USP24: variants seen among roughly 807,000 people sequenced by gnomAD.
USP24 encodes ubiquitin carboxyl-terminal hydrolase 24.
USP24 carries 97 observed loss-of-function variants against 361.6 expected under a neutral mutation model. The ratio of observed to expected loss-of-function variants is 0.27; its 90% CI spans 0.23 to 0.32. The LOEUF is 0.32. Among genes scored for constraint, USP24 ranks in the 10% least tolerant of loss-of-function variants. The pLI, the probability that USP24 is intolerant of heterozygous loss-of-function variation, is 1.00. For missense variants in USP24, 2,353 were observed against 3,165.6 expected, an observed-to-expected ratio of 0.74 and a Z score of 6.16; for synonymous variants, 1,098 against 1,124.6, an observed-to-expected ratio of 0.98 and a Z score of 0.47.
intron 1 of USP24, among the ~76,000 whole-genome samples, chr1:55,211,774 T>C (rs530743525): frequency 6.6e-6 from 1 of 152,162 alleles, no homozygotes. Context: ...ACTACAAATA[T>C]AAAAAAACTT....
At chr1:55,188,834 C>T (rs1455039744) in intron 1 of USP24, among the ~76,000 whole-genome samples, 2 of 151,654 alleles carry the variant, frequency 1.3e-5, no homozygotes, top group Non-Finnish European at 2.9e-5. Flanking sequence ...GTGGTGGGCA[C>T]CTGTAATCCC....
rs1644952098 is a variant in USP24 at position 55,214,949 on chromosome 1, G to A, written c.165C>T (p.Pro55=). ...GGCTGGGGCCACCGCCGCTGTCCAT[G>A]GGCTCGTAGCCGCCGTAGTCGAGGC... ...RPGLDYGGYE[P]MDSGGGPSPG... The change falls in exon 1 of 68, where the codon CCC becomes CCT. Residue 55 remains proline, a synonymous_variant. Transcript: ENST00000294383. 2.8e-6 allele frequency: 4 copies of A among 1,416,508 alleles called. No individual in the cohort carries two copies. Among genetic ancestry groups the A allele is most frequent in the Non-Finnish European group, 1.9e-6 (2 of 1,078,904 alleles). The allele number at this position is 1,416,508 out of a possible 1,614,324, so 87.7% of individuals were successfully genotyped here. A position where few individuals can be genotyped will look rare whatever the true frequency, so the allele number is the denominator to read the frequency against.
At chr1:55,151,851 T>G in intron 16 of USP24, 5 of 958,312 alleles carry the variant, frequency 5.2e-6, no homozygotes, top group Non-Finnish European at 6.2e-6. Context: ...GGGTAATCAG[T>G]TGGGGGAATA....
rs1644826693 is a variant in USP24 at position 55,066,448 on chromosome 1, G to A, written c.*2597C>T. The A allele has an allele frequency of 6.6e-6, 1 of 152,180 alleles. No individual in the cohort carries two copies. The highest frequency in any genetic ancestry group is 6.5e-5 in the Admixed American group (1 of 15,274). 9.4% of individuals were successfully genotyped at this position (152,180 alleles called of 1,614,324 possible). On this transcript the variant is annotated 3_prime_UTR_variant, in exon 68 of 68. Transcript: ENST00000294383. Reference sequence around the variant, plus strand: ...TTTAGAATTAAGGTTCTTCCCTAGTGTATCTACTTCCTTTTGAAATTTTAT... The same window carrying A: ...TTTAGAATTAAGGTTCTTCCCTAGTATATCTACTTCCTTTTGAAATTTTAT...
At chr1:55,104,276 C>A (rs1223818895) in intron 41 of USP24, among the ~76,000 whole-genome samples, 1 of 152,020 alleles carries the variant, frequency 6.6e-6, no homozygotes, top group African/African-American at 2.4e-5. Flanking sequence ...ATGAATGGAT[C>A]AGCAAGAATG....
chr1:55,123,116 T>C (rs1398218690), intron 36 of USP24, among the ~76,000 whole-genome samples: 2 of 152,166 alleles, frequency 1.3e-5, no homozygotes, highest in Non-Finnish European at 2.9e-5. Context: ...ACTAGAGTCA[T>C]TATCAGGAAT....
intron 39 of USP24, among the ~76,000 whole-genome samples, chr1:55,107,759 T>C (rs1570420591): frequency 7.5e-6 from 1 of 133,818 alleles, no homozygotes. Flanking sequence ...GGAGAATTGC[T>C]TGAACCCAGG....
chr1:55,135,621 T>C (rs1646711590), intron 28 of USP24, among the ~76,000 whole-genome samples: 1 of 152,214 alleles, frequency 6.6e-6, no homozygotes, highest in Non-Finnish European at 1.5e-5. Flanking sequence ...TAAAGACTAC[T>C]CAACTTGCAC....
At position 55,192,647 on chromosome 1, in the gene USP24, T is replaced by C. The variant is rs140621554; in HGVS notation, c.325-14515A>G. Among the ~76,000 whole-genome samples the C allele has an allele frequency of 1.5e-3, 229 of 152,368 alleles. 1 individual carries two copies. The highest frequency in any genetic ancestry group is 5.4e-3 in the African/African-American group (223 of 41,590). Reference sequence around the variant, plus strand: ...ATTTATAATACCTTTCATTAAATATTGAGGTTGTCAGTTTTACTAAATATT... The same window carrying C: ...ATTTATAATACCTTTCATTAAATATCGAGGTTGTCAGTTTTACTAAATATT... On this transcript the variant is annotated intron_variant, in intron 1 of 67. Coordinates refer to ENST00000294383, the MANE Select transcript of USP24 (RefSeq NM_015306.3).
intron 34 of USP24, 90 bp from the exon 35 acceptor site, chr1:55,124,718 C>T (rs894032186): frequency 1.6e-4 from 232 of 1,409,820 alleles, no homozygotes; most frequent in Middle Eastern, 6.3e-4. Context: ...CAGTTTCATA[C>T]GCCTCCTTTC....
intron 28 of USP24, among the ~76,000 whole-genome samples, chr1:55,135,142 T>C (rs1241359183): frequency 6.6e-6 from 1 of 152,142 alleles, no homozygotes; most frequent in Non-Finnish European, 1.5e-5. Flanking sequence ...TCTTGTTATA[T>C]ATGAAATATA....
chr1:55,147,640 G>C lies in USP24; in HGVS notation c.2118+9C>G. On this transcript the variant is annotated intron_variant, in intron 18 of 67. Transcript: ENST00000294383. ...GTAAATCATGAAGCAAAAACACAAG[G>C]CCTGATACCTCCCGGTAAGTGTACC... 1.3e-6 allele frequency: 2 copies of C among 1,595,590 alleles called. No homozygotes were observed. Among genetic ancestry groups the C allele is most frequent in the South Asian group, 1.1e-5 (1 of 87,834 alleles).
intron 60 of USP24, among the ~76,000 whole-genome samples, 198 bp from the exon 61 acceptor site, chr1:55,078,849 C>G (rs180802777): frequency 6.7e-4 from 101 of 150,254 alleles, no homozygotes; most frequent in African/African-American, 2.4e-3. Context: ...CAATTTTGTG[C>G]AAATGTGCAC....
At position 55,098,465 on chromosome 1, in the gene USP24, T is replaced by C. The variant is rs769834562; in HGVS notation, c.5453+11A>G. ...GATCATTTTTCCTGTGTCGGTGATA[T>C]CTTCACTCACCTGTGAGGACAGTCT... On this transcript the variant is annotated intron_variant, in intron 46 of 67. Transcript: ENST00000294383. 1.5e-5 allele frequency: 24 copies of C among 1,601,808 alleles called. No individual in the cohort carries two copies. Among genetic ancestry groups the C allele is most frequent in the Admixed American group, 1.2e-4 (7 of 59,544 alleles).
intron 29 of USP24, 47 bp downstream of exon 29, chr1:55,134,281 T>C (rs982261592): frequency 6.3e-7 from 1 of 1,584,198 alleles, no homozygotes; most frequent in Non-Finnish European, 8.6e-7. Context: ...GGCTCCCTAA[T>C]GTTAGTAACT....
At chr1:55,106,362 G>A in intron 40 of USP24, 99 bp from the exon 41 acceptor site, 1 of 836,190 alleles carries the variant, frequency 1.2e-6, no homozygotes, top group Non-Finnish European at 1.9e-6. Flanking sequence ...GGTACCCAAT[G>A]CCACCCAATA....
At chr1:55,144,242 C>A in intron 20 of USP24, 39 bp from the exon 21 acceptor site, 1 of 1,337,680 alleles carries the variant, frequency 7.5e-7, no homozygotes, top group East Asian at 2.5e-5. Context: ...ATGTACTCTA[C>A]GTAACACAGA....
rs1645509850 is a variant in USP24, at chr1:55,096,985, G to A, written c.5903C>T (p.Ala1968Val). 1 of 1,613,846 alleles carries A rather than the reference G, an allele frequency of 6.2e-7. No individual in the cohort carries two copies. The highest frequency in any genetic ancestry group is 8.5e-7 in the Non-Finnish European group (1 of 1,179,848). Reference sequence around the variant, plus strand: ...CTTAATGAAGGAATAGTAGTGGCCTGCGTGTGCCTGCCCACTGTGTACGAT... The same window carrying A: ...CTTAATGAAGGAATAGTAGTGGCCTACGTGTGCCTGCCCACTGTGTACGAT... Reference protein sequence around the residue: ...GVIVHSGQAHAGHYYSFIKDR... With the variant: ...GVIVHSGQAHVGHYYSFIKDR... Residue 1968 changes from alanine (A) to valine (V), a missense_variant, in exon 49 of 68, where the codon GCA (alanine) becomes GTA (valine). Physicochemically the swap from Ala to Val is moderately conservative, Grantham distance 64. Coordinates refer to ENST00000294383, the MANE Select transcript of USP24 (RefSeq NM_015306.3).
At chr1:55,205,119 G>A (rs1277238896) in intron 1 of USP24, among the ~76,000 whole-genome samples, 1 of 152,184 alleles carries the variant, frequency 6.6e-6, no homozygotes, top group Non-Finnish European at 1.5e-5. Context: ...GAGGTCACCA[G>A]GGAAGGCCAT....
Sources: gnomAD v4.1 joint callset for allele counts (sites outside exome capture counted in the v4.1 genomes callset) on GRCh38, gnomAD v4.1.1 for gene constraint, MANE v1.5 for transcripts, NCBI Gene and HGNC (gene_info 2026-07-23, HGNC 2026-07-21) for gene names.